Variants in CSMD1 observed in about 807,000 individuals in gnomAD.
CSMD1 encodes the protein CUB and sushi domain-containing protein 1.
CSMD1 carries 213 observed loss-of-function variants against 417.5 expected under a neutral mutation model. The ratio of observed to expected loss-of-function variants is 0.51; its 90% CI spans 0.46 to 0.57. The LOEUF (loss-of-function observed/expected upper bound fraction) is 0.57, where lower values mean the gene tolerates loss of function less well. CSMD1 is among the 20% of genes least tolerant of loss of function. The pLI, the probability that CSMD1 is intolerant of heterozygous loss-of-function variation, is 0.00. For missense variants in CSMD1, 6,923 were observed against 4,529.7 expected (o/e 1.53, Z -15.17); for synonymous variants, 2,862 against 1,736.8 (o/e 1.65, Z -16.11).
At chr8:3,064,657 G>C (rs1024532172) in intron 49 of CSMD1, among the ~76,000 whole-genome samples, 15 of 152,158 alleles carry the variant, frequency 9.9e-5, no homozygotes, top group African/African-American at 3.6e-4. Flanking sequence ...GTTGACTACA[G>C]TAAGCAAACC....
intron 4 of CSMD1, among the ~76,000 whole-genome samples, chr8:4,021,094 G>C (rs1056447927): frequency 2.0e-5 from 3 of 152,164 alleles, no homozygotes; most frequent in East Asian, 1.9e-4. Context: ...TGAGGATAGA[G>C]GATACAACAA....
chr8:2,966,794 T>A, intron 57 of CSMD1, 48 bp from the exon 58 acceptor site: 1 of 1,582,542 alleles, frequency 6.3e-7, no homozygotes, highest in Non-Finnish European at 8.6e-7. Context: ...TGACCCAGCA[T>A]GAAAATGGCA....
intron 6 of CSMD1, among the ~76,000 whole-genome samples, chr8:3,733,829 GTTA>G (rs916424659): frequency 1.3e-5 from 2 of 152,128 alleles, no homozygotes; most frequent in African/African-American, 2.4e-5. Flanking sequence ...TTTATTATTA[GTTA>G]TTGTTTATCT....
chr8:4,134,457 C>A (rs751329762), intron 3 of CSMD1, among the ~76,000 whole-genome samples: 1 of 152,238 alleles, frequency 6.6e-6, no homozygotes, highest in African/African-American at 2.4e-5. Context: ...AGAGAAAGAC[C>A]TGAGGAGATA....
intron 3 of CSMD1, among the ~76,000 whole-genome samples, chr8:4,294,577 G>C (rs1328131547): frequency 2.6e-5 from 4 of 152,256 alleles, no homozygotes; most frequent in African/African-American, 4.8e-5. Context: ...AGAGAATGAA[G>C]TGAAACCAGA....
intron 2 of CSMD1, among the ~76,000 whole-genome samples, chr8:4,537,070 A>G (rs145129392): frequency 6.6e-6 from 1 of 152,212 alleles, no homozygotes. Flanking sequence ...ACAATCAAAG[A>G]CAGAAAATTC....
At position 4,626,400 on chromosome 8, in the gene CSMD1, T is replaced by TGGAA. The variant is rs151149403; in HGVS notation, c.302+10938_302+10941dup. On this transcript the variant is annotated intron_variant, in intron 2 of 69. Coordinates refer to ENST00000635120, the MANE Select transcript of CSMD1 (RefSeq NM_033225.6). The stretch of plus-strand genomic sequence containing the variant: ...TAACAGATATTGGTTATAAAGTATG[T>TGGAA]GGAAGGAAGTAGTAGTCCAACAATA... Among the ~76,000 whole-genome samples, 587 of 152,214 alleles carry TGGAA rather than the reference T, an allele frequency of 3.9e-3. 9 individuals carry two copies. The highest frequency in any genetic ancestry group is 0.013 in the African/African-American group (524 of 41,524).
intron 65 of CSMD1, among the ~76,000 whole-genome samples, chr8:2,953,197 T>G (rs779385704): frequency 1.3e-4 from 20 of 152,186 alleles, no homozygotes; most frequent in Non-Finnish European, 1.9e-4. Context: ...CACTGACTTC[T>G]GTATGTGATT....
chr8:3,428,528 A>C (rs535309565), intron 12 of CSMD1, among the ~76,000 whole-genome samples: 1 of 152,354 alleles, frequency 6.6e-6, no homozygotes, highest in Non-Finnish European at 1.5e-5. Flanking sequence ...AGACTTTCAT[A>C]GCAACCCTTA....
At chr8:3,335,762 C>G (rs1364566857) in intron 23 of CSMD1, among the ~76,000 whole-genome samples, 1 of 152,146 alleles carries the variant, frequency 6.6e-6, no homozygotes, top group Non-Finnish European at 1.5e-5. Context: ...AGACACAGAG[C>G]TGGATGTTCT....
At chr8:4,246,693 AT>A (rs971042381) in intron 3 of CSMD1, among the ~76,000 whole-genome samples, 3 of 152,078 alleles carry the variant, frequency 2.0e-5, no homozygotes, top group African/African-American at 7.2e-5. Context: ...TTTTTCCTTA[AT>A]TTTTCATTGT....
intron 3 of CSMD1, among the ~76,000 whole-genome samples, chr8:4,106,770 C>T (rs1801589654): frequency 6.6e-6 from 1 of 152,150 alleles, no homozygotes; most frequent in Admixed American, 6.5e-5. Flanking sequence ...TAGTGATCAG[C>T]GGCCACAGTG....
intron 12 of CSMD1, among the ~76,000 whole-genome samples, chr8:3,418,328 T>G (rs270087): frequency 2.0e-5 from 3 of 151,912 alleles, no homozygotes; most frequent in South Asian, 4.2e-4. Flanking sequence ...CATGAGAGTA[T>G]AGATTTTCAA....
intron 5 of CSMD1, among the ~76,000 whole-genome samples, chr8:3,839,751 G>T (rs1164862262): frequency 6.6e-6 from 1 of 151,038 alleles, no homozygotes; most frequent in African/African-American, 2.4e-5. Flanking sequence ...AAACCCATGA[G>T]TGCTGCCACT....
chr8:3,774,094 T>A (rs1476242214), intron 5 of CSMD1, among the ~76,000 whole-genome samples: 1 of 152,198 alleles, frequency 6.6e-6, no homozygotes, highest in East Asian at 1.9e-4. Context: ...GCTTCTTGTC[T>A]AAATATGTCC....
intron 2 of CSMD1, among the ~76,000 whole-genome samples, chr8:4,548,656 C>T (rs1797734858): frequency 6.6e-6 from 1 of 152,090 alleles, no homozygotes; most frequent in Non-Finnish European, 1.5e-5. Context: ...AAAATCATCA[C>T]AATTAGGTGT....
At chr8:3,150,249 C>T (rs894698630) in intron 40 of CSMD1, among the ~76,000 whole-genome samples, 1 of 152,204 alleles carries the variant, frequency 6.6e-6, no homozygotes, top group Non-Finnish European at 1.5e-5. Flanking sequence ...CAGAGTCTCT[C>T]CCTTCCTTGA....
chr8:4,423,988 G>C (rs184671053), intron 2 of CSMD1, among the ~76,000 whole-genome samples: 1 of 151,886 alleles, frequency 6.6e-6, no homozygotes, highest in Admixed American at 6.6e-5. Context: ...AATTATGATG[G>C]ATCAATTGGA....
At chr8:4,662,521 G>A (rs894597526) in intron 1 of CSMD1, among the ~76,000 whole-genome samples, 1 of 152,158 alleles carries the variant, frequency 6.6e-6, no homozygotes, top group African/African-American at 2.4e-5. Flanking sequence ...GTCCATCTGT[G>A]TTTTTCAGGC....
Sources: allele counts gnomAD v4.1 joint callset (sites outside exome capture counted in the v4.1 genomes callset), GRCh38; gene constraint gnomAD v4.1.1; transcripts MANE v1.5; gene names NCBI Gene and HGNC (gene_info 2026-07-23, HGNC 2026-07-21).